The following MECOM variants were observed in gnomAD, a reference collection of about 807,000 sequenced individuals.
MECOM encodes the protein MDS1 and EVI1 complex locus.
A neutral mutation model predicts 116.3 loss-of-function variants in MECOM; 13 were observed. The observed-to-expected ratio is 0.11, with a 90% CI of 0.07 to 0.18. MECOM has a LOEUF of 0.18. Among genes scored for constraint, MECOM ranks in the 10% least tolerant of loss-of-function variants. The pLI is 1.00. For missense variants in MECOM, 1,299 were observed against 1,509.0 expected (o/e 0.86, Z 2.31); for synonymous variants, 528 against 535.2 (o/e 0.99, Z 0.19).
chr3:169,354,176 C>G (rs1290290152), intron 2 of MECOM, among the ~76,000 whole-genome samples: 4 of 151,674 alleles, frequency 2.6e-5, no homozygotes, highest in African/African-American at 7.3e-5. Context: ...ACAATAAAAA[C>G]AAGATGTTAT....
At chr3:169,402,809 T>C (rs918222276) in intron 1 of MECOM, among the ~76,000 whole-genome samples, 1 of 152,196 alleles carries the variant, frequency 6.6e-6, no homozygotes, top group Non-Finnish European at 1.5e-5. Flanking sequence ...CTTTACGATG[T>C]TCAATATTCT....
chr3:169,273,562 C>T (rs767139192), intron 2 of MECOM, among the ~76,000 whole-genome samples: 2 of 152,140 alleles, frequency 1.3e-5, no homozygotes, highest in Non-Finnish European at 2.9e-5. Flanking sequence ...TGGTTGGCCT[C>T]TAAGTAAAGA....
chr3:169,439,462 G>A (rs1447446554), intron 1 of MECOM, among the ~76,000 whole-genome samples: 1 of 151,208 alleles, frequency 6.6e-6, no homozygotes, highest in Non-Finnish European at 1.5e-5. Flanking sequence ...GTTAAAATAG[G>A]CCATAGACAT....
In MECOM at chr3:169,090,200, C is replaced by T; in HGVS notation, c.3201G>A (p.Leu1067=). 1 of 1,612,902 alleles carries T rather than the reference C, an allele frequency of 6.2e-7. No homozygotes were observed. Among genetic ancestry groups the T allele is most frequent in the Non-Finnish European group, 8.5e-7 (1 of 1,179,490 alleles). Reference sequence around the variant, plus strand: ...GCAAGTCTGAATTTTGACTGGTCACCAAAGCCTTTTCATCTTTAAAATGAC... The same window carrying T: ...GCAAGTCTGAATTTTGACTGGTCACTAAAGCCTTTTCATCTTTAAAATGAC... ...NGSHFKDEKA[L]VTSQNSDLLD... The change falls in exon 15 of 17, where the codon TTG becomes TTA. Residue 1067 remains leucine (L), a synonymous_variant. Transcript: ENST00000651503.
At chr3:169,639,109 T>C (rs1004336122) in intron 1 of MECOM, among the ~76,000 whole-genome samples, 1 of 152,176 alleles carries the variant, frequency 6.6e-6, no homozygotes, top group Non-Finnish European at 1.5e-5. Context: ...CATATCAGTC[T>C]ACGAGATAAC....
At chr3:169,194,775 TTAAA>T (rs1388659648) in intron 2 of MECOM, among the ~76,000 whole-genome samples, 1 of 152,076 alleles carries the variant, frequency 6.6e-6, no homozygotes, top group Admixed American at 6.6e-5. Flanking sequence ...AACCTCAGAA[TTAAA>T]TAGAGCATCC....
At chr3:169,182,865 G>T (rs770251887) in intron 2 of MECOM, among the ~76,000 whole-genome samples, 2 of 151,558 alleles carry the variant, frequency 1.3e-5, no homozygotes, top group Non-Finnish European at 2.9e-5. Context: ...ACACCTATCA[G>T]TATTCAGATA....
At chr3:169,174,059 CA>C (rs1186277456) in intron 2 of MECOM, among the ~76,000 whole-genome samples, 1 of 152,160 alleles carries the variant, frequency 6.6e-6, no homozygotes, top group African/African-American at 2.4e-5. Context: ...CTTGACTTGC[CA>C]GGCTAACTCA....
At chr3:169,527,487 T>C (rs1397436223) in intron 1 of MECOM, among the ~76,000 whole-genome samples, 4 of 152,254 alleles carry the variant, frequency 2.6e-5, no homozygotes, top group Non-Finnish European at 4.4e-5. Flanking sequence ...CAGTCTTTAG[T>C]ATTAATCTAA....
At chr3:169,584,564 CAAA>C (rs11323716) in intron 1 of MECOM, among the ~76,000 whole-genome samples, 28 of 108,376 alleles carry the variant, frequency 2.6e-4, no homozygotes, top group East Asian at 7.4e-4. Flanking sequence ...AACTCCACCT[CAAA>C]AAAAAAAAAA....
At chr3:169,329,635 T>C (rs1182155413) in intron 2 of MECOM, among the ~76,000 whole-genome samples, 4 of 152,160 alleles carry the variant, frequency 2.6e-5, no homozygotes, top group African/African-American at 9.7e-5. Flanking sequence ...CATAGTAAAG[T>C]TGAATTTTAT....
chr3:169,158,235 G>A (rs190829418), intron 2 of MECOM, among the ~76,000 whole-genome samples: 4 of 152,218 alleles, frequency 2.6e-5, no homozygotes, highest in East Asian at 3.9e-4. Flanking sequence ...ATCATTGTCC[G>A]TATATAATCT....
chr3:169,203,602 C>T (rs1749490335), intron 2 of MECOM, among the ~76,000 whole-genome samples: 1 of 152,040 alleles, frequency 6.6e-6, no homozygotes, highest in African/African-American at 2.4e-5. Context: ...AATTAACACT[C>T]CTTTAAATAA....
At chr3:169,423,913 T>G (rs1376869351) in intron 1 of MECOM, among the ~76,000 whole-genome samples, 1 of 152,134 alleles carries the variant, frequency 6.6e-6, no homozygotes, top group East Asian at 1.9e-4. Context: ...ATATGTAATC[T>G]AGAACCAAAA....
chr3:169,554,656 C>T (rs1213496654), intron 1 of MECOM, among the ~76,000 whole-genome samples: 1 of 152,106 alleles, frequency 6.6e-6, no homozygotes, highest in African/African-American at 2.4e-5. Flanking sequence ...CAGAGATTCC[C>T]AATATTCTTA....
intron 2 of MECOM, among the ~76,000 whole-genome samples, chr3:169,375,661 A>T (rs1345903972): frequency 6.6e-6 from 1 of 152,108 alleles, no homozygotes; most frequent in Non-Finnish European, 1.5e-5. Context: ...CACCAATAAC[A>T]AGTTCTGAAA....
chr3:169,261,723 G>GAGAAGA (rs1425166580), intron 2 of MECOM, among the ~76,000 whole-genome samples: 43 of 136,616 alleles, frequency 3.1e-4, no homozygotes, highest in Non-Finnish European at 9.0e-5. Flanking sequence ...GAAGGAGAAG[G>GAGAAGA]AGAAGGAGAA....
intron 2 of MECOM, among the ~76,000 whole-genome samples, chr3:169,340,496 GTC>G (rs1327149961): frequency 6.6e-6 from 1 of 152,166 alleles, no homozygotes; most frequent in Non-Finnish European, 1.5e-5. Context: ...AGATAGAACT[GTC>G]ATCGAGCCTG....
intron 14 of MECOM, among the ~76,000 whole-genome samples, chr3:169,090,946 A>G (rs1191835197): frequency 6.6e-6 from 1 of 152,118 alleles, no homozygotes; most frequent in African/African-American, 2.4e-5. Context: ...AAAAATGAGT[A>G]TAATTTAATA....
Sources: gnomAD v4.1 joint callset for allele counts (sites outside exome capture counted in the v4.1 genomes callset) on GRCh38, gnomAD v4.1.1 for gene constraint, MANE v1.5 for transcripts, NCBI Gene and HGNC (gene_info 2026-07-23, HGNC 2026-07-21) for gene names.